Variants in IGF2BP2 observed in about 807,000 individuals in gnomAD.
IGF2BP2 encodes the protein insulin like growth factor 2 mRNA binding protein 2.
In IGF2BP2, 17 loss-of-function variants were observed where a neutral mutation model predicts 75.8. That is an observed-to-expected ratio of 0.22 (90% CI 0.15 to 0.34). IGF2BP2 has a LOEUF of 0.34. Among genes scored for constraint, IGF2BP2 ranks in the 10% least tolerant of loss-of-function variants. IGF2BP2 has a pLI of 1.00. For missense variants in IGF2BP2, 516 were observed against 772.4 expected, an observed-to-expected ratio of 0.67 and a Z score of 3.93; for synonymous variants, 288 against 295.6, an observed-to-expected ratio of 0.97 and a Z score of 0.26.
chr3:185,715,075 G>A (rs912226892), intron 2 of IGF2BP2, among the ~76,000 whole-genome samples: 4 of 152,204 alleles, frequency 2.6e-5, no homozygotes, highest in Non-Finnish European at 5.9e-5. Context: ...AAGACAGACA[G>A]GAGGGGAAAC....
intron 2 of IGF2BP2, among the ~76,000 whole-genome samples, chr3:185,802,585 A>G (rs1313811708): frequency 1.3e-5 from 2 of 152,204 alleles, no homozygotes; most frequent in Non-Finnish European, 2.9e-5. Context: ...TCTTGAGAAC[A>G]TTTTTTAAAT....
chr3:185,796,550 G>A (rs889130747), intron 2 of IGF2BP2, among the ~76,000 whole-genome samples: 3 of 113,714 alleles, frequency 2.6e-5, no homozygotes, highest in Admixed American at 2.1e-4. Flanking sequence ...GGGTGACAGA[G>A]TGACATTCCG....
chr3:185,646,789 T>C (rs1713636956), intron 15 of IGF2BP2: 1 of 546,288 alleles, frequency 1.8e-6, no homozygotes, highest in Non-Finnish European at 3.3e-6. Context: ...CGCTTAACTC[T>C]TCACTCTTCC....
intron 10 of IGF2BP2, among the ~76,000 whole-genome samples, chr3:185,660,936 A>C (rs1006349315): frequency 7.9e-5 from 12 of 152,234 alleles, no homozygotes; most frequent in Non-Finnish European, 1.6e-4. Context: ...TGAGGCCGGG[A>C]ATAGACAAGC....
intron 2 of IGF2BP2, among the ~76,000 whole-genome samples, chr3:185,818,750 C>G (rs1455302787): frequency 1.3e-5 from 2 of 152,128 alleles, no homozygotes; most frequent in Non-Finnish European, 2.9e-5. Context: ...TTGAAAGTAT[C>G]AAATATATAA....
intron 10 of IGF2BP2, among the ~76,000 whole-genome samples, chr3:185,667,666 C>T (rs1717855037): frequency 6.6e-6 from 1 of 152,166 alleles, no homozygotes; most frequent in Non-Finnish European, 1.5e-5. Flanking sequence ...ATTTAAAATG[C>T]ATATACCCTT....
At chr3:185,673,243 G>C (rs1718802410) in intron 9 of IGF2BP2, among the ~76,000 whole-genome samples, 1 of 152,146 alleles carries the variant, frequency 6.6e-6, no homozygotes, top group African/African-American at 2.4e-5. Flanking sequence ...TTTCAGACTA[G>C]AATTTCCTTG....
intron 2 of IGF2BP2, among the ~76,000 whole-genome samples, chr3:185,725,657 A>C (rs1727221535): frequency 6.6e-6 from 1 of 152,194 alleles, no homozygotes; most frequent in Non-Finnish European, 1.5e-5. Flanking sequence ...TAATCTAAGA[A>C]GTATCAAATG....
chr3:185,672,881 A>G (rs894857037), intron 9 of IGF2BP2, among the ~76,000 whole-genome samples: 22 of 151,978 alleles, frequency 1.4e-4, no homozygotes, highest in Admixed American at 6.6e-5. Flanking sequence ...GCATGTCTAC[A>G]TATCTTGTCA....
At chr3:185,808,984 T>C (rs1262102164) in intron 2 of IGF2BP2, among the ~76,000 whole-genome samples, 2 of 152,226 alleles carry the variant, frequency 1.3e-5, no homozygotes, top group African/African-American at 4.8e-5. Context: ...GTCTGGTTTT[T>C]TCACAGTAAC....
At chr3:185,728,196 G>A (rs1351444531) in intron 2 of IGF2BP2, 1 of 152,386 alleles carries the variant, frequency 6.6e-6, no homozygotes, top group Non-Finnish European at 1.5e-5. Flanking sequence ...AGCGCCCTCT[G>A]ATCCACACTC....
At chr3:185,808,789 A>G (rs2149996087) in intron 2 of IGF2BP2, among the ~76,000 whole-genome samples, 1 of 151,790 alleles carries the variant, frequency 6.6e-6, no homozygotes, top group Non-Finnish European at 1.5e-5. Context: ...GCTGGTCTCA[A>G]ATTCCTGGCC....
intron 2 of IGF2BP2, among the ~76,000 whole-genome samples, chr3:185,719,863 A>AAAGG (rs1472365740): frequency 2.0e-5 from 3 of 152,082 alleles, no homozygotes; most frequent in African/African-American, 4.8e-5. Context: ...GAAAGGAAGG[A>AAAGG]AAGGAAGGAA....
At chr3:185,725,942 C>A (rs1727263608) in intron 2 of IGF2BP2, among the ~76,000 whole-genome samples, 1 of 152,146 alleles carries the variant, frequency 6.6e-6, no homozygotes, top group African/African-American at 2.4e-5. Context: ...ACAGCCTGCA[C>A]ATCAGGGTGA....
intron 2 of IGF2BP2, among the ~76,000 whole-genome samples, chr3:185,819,512 C>T (rs906110009): frequency 6.6e-6 from 1 of 151,978 alleles, no homozygotes; most frequent in Non-Finnish European, 1.5e-5. Flanking sequence ...AACTCTAATA[C>T]TTATCTCTTT....
chr3:185,778,355 C>G lies in IGF2BP2; in HGVS notation c.239+44798G>C, dbSNP rs1159891719. Reference sequence around the variant, plus strand: ...GAATATGGGAGGAAACTGGAGTACTCAGAGAAAAGCCACACAGACAGGGAG... The same window carrying G: ...GAATATGGGAGGAAACTGGAGTACTGAGAGAAAAGCCACACAGACAGGGAG... On this transcript the variant is annotated intron_variant, in intron 2 of 15. Coordinates refer to ENST00000382199, the MANE Select transcript of IGF2BP2 (RefSeq NM_006548.6). 2.6e-5 allele frequency among the ~76,000 whole-genome samples: 4 copies of G among 152,256 alleles called. No individual in the cohort carries two copies. The East Asian group carries it at 7.7e-4, about 29-fold the overall frequency.
chr3:185,817,480 A>T (rs1740760352), intron 2 of IGF2BP2, among the ~76,000 whole-genome samples: 3 of 152,216 alleles, frequency 2.0e-5, no homozygotes, highest in Admixed American at 2.0e-4. Flanking sequence ...TACAAAAGAA[A>T]ATAATTTTTC....
chr3:185,702,650 C>G (rs1011756418), intron 2 of IGF2BP2, among the ~76,000 whole-genome samples: 6 of 152,102 alleles, frequency 3.9e-5, no homozygotes, highest in African/African-American at 1.4e-4. Flanking sequence ...GCACCTCCCC[C>G]TCTCCCATCC....
Position 185,692,679 on chromosome 3 carries a change from A to G in IGF2BP2, c.404+20T>C. Reference sequence around the variant, plus strand: ...TAAAAACAAATAAATTTAAACAGAAATAAGCCCAAATCTGCTTACATTTTT... The same window carrying G: ...TAAAAACAAATAAATTTAAACAGAAGTAAGCCCAAATCTGCTTACATTTTT... On this transcript the variant is annotated intron_variant, in intron 5 of 15. Transcript: ENST00000382199. 6.3e-7 allele frequency: 1 copy of G among 1,586,854 alleles called. No individual in the cohort carries two copies. Among genetic ancestry groups the G allele is most frequent in the Non-Finnish European group, 8.6e-7 (1 of 1,159,474 alleles).
Sources: gnomAD v4.1 joint callset for allele counts (sites outside exome capture counted in the v4.1 genomes callset) on GRCh38, gnomAD v4.1.1 for gene constraint, MANE v1.5 for transcripts, NCBI Gene and HGNC (gene_info 2026-07-23, HGNC 2026-07-21) for gene names.